Variants in TMEM178B observed in about 807,000 individuals in gnomAD.
TMEM178B encodes the protein transmembrane protein 178B.
In TMEM178B, 5 loss-of-function variants were observed where a neutral mutation model predicts 31.0. That is an observed-to-expected ratio of 0.16 (90% confidence interval 0.08 to 0.34). The LOEUF is 0.34. Among genes scored for constraint, TMEM178B ranks in the 10% least tolerant of loss-of-function variants. The pLI is 1.00. For missense variants in TMEM178B, 275 were observed against 400.3 expected (o/e 0.69, Z 2.67); for synonymous variants, 164 against 164.0 (o/e 1.00, Z 0.00).
In TMEM178B at chr7:141,121,082, C is replaced by T. The variant is rs77986282; in HGVS notation, c.382+46390C>T. On this transcript the variant is annotated intron_variant, in intron 1 of 3. Transcript: ENST00000565468. ...TGGATTATAGTCCTTATACCTCATCCTTCCACCCTTCCCTCTTATTTTCTT... is the reference window on the plus strand; with the variant it reads ...TGGATTATAGTCCTTATACCTCATCTTTCCACCCTTCCCTCTTATTTTCTT... Among the ~76,000 whole-genome samples, 1,000 of 152,020 alleles carry T rather than the reference C, an allele frequency of 6.6e-3. 4 individuals are homozygous for T. Among genetic ancestry groups the T allele is most frequent in the Middle Eastern group, 0.02 (6 of 294 alleles).
chr7:141,107,373 G>C (rs1167857314), intron 1 of TMEM178B, among the ~76,000 whole-genome samples: 1 of 152,186 alleles, frequency 6.6e-6, no homozygotes, highest in African/African-American at 2.4e-5. Flanking sequence ...AGACAGTAGT[G>C]GGGGAAGAGT....
At chr7:141,508,135 C>T in the TMEM178B span, among the ~76,000 whole-genome samples, 1 of 152,224 alleles carries the variant, frequency 6.6e-6, no homozygotes, top group Non-Finnish European at 1.5e-5. Context: ...CAAGTCACCT[C>T]TTGAATGCTT....
rs569132173 is a variant in TMEM178B at position 141,170,399 on chromosome 7, C to T, written c.383-42192C>T. ...GGATTATACCTTGTTTCTTTCACTG[C>T]GGCTCTTCTCAGTTTTTTATTGAGT... On this transcript the variant is annotated intron_variant, in intron 1 of 3. Coordinates refer to ENST00000565468, the MANE Select transcript of TMEM178B (RefSeq NM_001195278.2). 5.3e-5 allele frequency among the ~76,000 whole-genome samples: 8 copies of T among 152,142 alleles called. No individual in the cohort carries two copies. In the East Asian group the frequency reaches 1.2e-3, roughly 22 times the overall value.
At chr7:141,213,890 A>G (rs916907370) in intron 2 of TMEM178B, among the ~76,000 whole-genome samples, 3 of 152,214 alleles carry the variant, frequency 2.0e-5, no homozygotes, top group Non-Finnish European at 2.9e-5. Context: ...GCAGGTGCCA[A>G]TGGATGAGAT....
Position 141,425,498 on chromosome 7 carries a change from G to C in TMEM178B, c.497-12110G>C, listed in dbSNP as rs141526727. 8.3e-3 allele frequency among the ~76,000 whole-genome samples: 1,257 copies of C among 152,282 alleles called. 9 individuals carry two copies. Among genetic ancestry groups the C allele is most frequent in the Non-Finnish European group, 0.012 (830 of 68,018 alleles). On this transcript the variant is annotated intron_variant, in intron 2 of 3. Transcript: ENST00000565468. ...CAGAGGACAGAGAACCAGACTCCAA[G>C]CTGGGTCTACCTAAGCACACCTGGT...
At chr7:141,104,245 C>T (rs551881374) in intron 1 of TMEM178B, among the ~76,000 whole-genome samples, 1 of 152,236 alleles carries the variant, frequency 6.6e-6, no homozygotes, top group African/African-American at 2.4e-5. Flanking sequence ...CTGTCCTGGC[C>T]CCTGCTGTAG....
intron 2 of TMEM178B, among the ~76,000 whole-genome samples, chr7:141,423,306 G>A (rs1054499131): frequency 3.3e-5 from 5 of 152,242 alleles, no homozygotes; most frequent in African/African-American, 1.2e-4. Flanking sequence ...TGGGATTACA[G>A]GCGTGAGCCA....
intron 2 of TMEM178B, among the ~76,000 whole-genome samples, chr7:141,370,896 CT>C (rs1383284592): frequency 6.6e-6 from 1 of 152,226 alleles, no homozygotes; most frequent in African/African-American, 2.4e-5. Flanking sequence ...CCGATGTTGT[CT>C]GCATTCTGAA....
chr7:141,251,517 G>C (rs552917468), intron 2 of TMEM178B, among the ~76,000 whole-genome samples: 1 of 152,042 alleles, frequency 6.6e-6, no homozygotes, highest in Non-Finnish European at 1.5e-5. Context: ...TTTATTGCCA[G>C]GACCTACTAG....
At chr7:141,288,679 C>T (rs1220828631) in intron 2 of TMEM178B, among the ~76,000 whole-genome samples, 4 of 152,156 alleles carry the variant, frequency 2.6e-5, no homozygotes, top group Non-Finnish European at 5.9e-5. Context: ...CTGCTGGTCT[C>T]CTGATGCTTT....
chr7:141,292,706 C>T (rs982960127), intron 2 of TMEM178B, among the ~76,000 whole-genome samples: 3 of 149,360 alleles, frequency 2.0e-5, no homozygotes, highest in East Asian at 2.0e-4. Flanking sequence ...GGTGCGACCT[C>T]GGCTCACTGC....
At chr7:141,183,938 G>A (rs1796569706) in intron 1 of TMEM178B, among the ~76,000 whole-genome samples, 1 of 152,166 alleles carries the variant, frequency 6.6e-6, no homozygotes, top group African/African-American at 2.4e-5. Context: ...GAAGCATCAC[G>A]TTCAGACACG....
chr7:141,430,293 C>T (rs1359131906), intron 2 of TMEM178B: 2 of 152,204 alleles, frequency 1.3e-5, no homozygotes, highest in Admixed American at 6.5e-5. Flanking sequence ...ACCTTATGTG[C>T]TCATGTATGG....
intron 2 of TMEM178B, among the ~76,000 whole-genome samples, chr7:141,407,868 GC>G (rs1800912961): frequency 6.6e-6 from 1 of 152,174 alleles, no homozygotes; most frequent in South Asian, 2.1e-4. Flanking sequence ...TGATGGCCCA[GC>G]CTGTCTCATT....
At chr7:141,094,663 TC>T (rs1794930245) in intron 1 of TMEM178B, among the ~76,000 whole-genome samples, 1 of 152,232 alleles carries the variant, frequency 6.6e-6, no homozygotes, top group Non-Finnish European at 1.5e-5. Context: ...CTCAAACCTC[TC>T]TTTCTAGTTG....
Position 141,249,985 on chromosome 7 carries a change from G to A in TMEM178B, c.496+37281G>A, listed in dbSNP as rs541363349. On this transcript the variant is annotated intron_variant, in intron 2 of 3. Transcript: ENST00000565468. Reference sequence around the variant, plus strand: ...AATTTAAACTTACAAGACCAACATCGTAGAGATGAATTCTTTTTAAAGAAA... The same window carrying A: ...AATTTAAACTTACAAGACCAACATCATAGAGATGAATTCTTTTTAAAGAAA... Among the ~76,000 whole-genome samples, 8 of 152,248 alleles carry A rather than the reference G, an allele frequency of 5.3e-5. No individual in the cohort carries two copies. In the South Asian group the frequency reaches 8.3e-4, roughly 16 times the overall value.
At chr7:141,460,683 G>A (rs1219981142) in intron 3 of TMEM178B, among the ~76,000 whole-genome samples, 2 of 152,246 alleles carry the variant, frequency 1.3e-5, no homozygotes, top group East Asian at 1.9e-4. Context: ...ACACCTGGGT[G>A]CAGAGCAGTC....
intron 2 of TMEM178B, among the ~76,000 whole-genome samples, chr7:141,275,062 T>C (rs774655548): frequency 2.0e-5 from 3 of 152,230 alleles, no homozygotes; most frequent in Non-Finnish European, 2.9e-5. Context: ...AACTGGACTT[T>C]ATCAAAATGT....
At chr7:141,087,063 A>G (rs1390387359) in intron 1 of TMEM178B, among the ~76,000 whole-genome samples, 3 of 152,236 alleles carry the variant, frequency 2.0e-5, no homozygotes, top group Non-Finnish European at 4.4e-5. Context: ...CATTCAAGCC[A>G]CATGAGTGAC....
Sources: allele counts gnomAD v4.1 joint callset (sites outside exome capture counted in the v4.1 genomes callset), GRCh38; gene constraint gnomAD v4.1.1; transcripts MANE v1.5; gene names NCBI Gene and HGNC (gene_info 2026-07-23, HGNC 2026-07-21).